The following CSMD3 variants were observed in gnomAD, a reference collection of about 807,000 sequenced individuals.
The protein encoded by CSMD3 is CUB and Sushi multiple domains 3.
In CSMD3, 177 loss-of-function variants were observed where a neutral mutation model predicts 435.2. The observed-to-expected ratio is 0.41, with a 90% CI of 0.36 to 0.46. The LOEUF is 0.46. Ranked by LOEUF, CSMD3 falls within the 20% of genes least tolerant of loss-of-function variation. The probability of loss-of-function intolerance (pLI) is 0.34; values close to 1 mark genes in which losing one functional copy is unlikely to be tolerated. For missense variants in CSMD3, 4,265 were observed against 4,504.6 expected, an observed-to-expected ratio of 0.95 and a Z score of 1.52; for synonymous variants, 1,656 against 1,520.5, an observed-to-expected ratio of 1.09 and a Z score of -2.07.
intron 32 of CSMD3, among the ~76,000 whole-genome samples, chr8:112,450,199 T>C (rs1226822389): frequency 1.3e-5 from 2 of 152,194 alleles, no homozygotes; most frequent in Non-Finnish European, 2.9e-5. Context: ...TTTGGGAGAC[T>C]TGTCCAATGT....
At chr8:112,611,262 C>G (rs1204792563) in intron 22 of CSMD3, among the ~76,000 whole-genome samples, 2 of 152,110 alleles carry the variant, frequency 1.3e-5, no homozygotes, top group Non-Finnish European at 2.9e-5. Flanking sequence ...TAAACCATAT[C>G]CAGGTCAGTA....
rs192134537 is a variant in CSMD3 at position 112,948,652 on chromosome 8, T to A, written c.1421-775A>T. 3.9e-5 allele frequency among the ~76,000 whole-genome samples: 6 copies of A among 152,142 alleles called. No homozygotes were observed. The East Asian group carries it at 9.7e-4, about 25-fold the overall frequency. ...GAGTGATATTGTTTAATAAATTCAA[T>A]CTTAAAGTGAACTGGAGGATAAATT... On this transcript the variant is annotated intron_variant, in intron 8 of 70. Coordinates refer to ENST00000297405, the MANE Select transcript of CSMD3 (RefSeq NM_198123.2).
intron 4 of CSMD3, among the ~76,000 whole-genome samples, chr8:113,164,245 T>C (rs1366486186): frequency 6.6e-6 from 1 of 151,964 alleles, no homozygotes; most frequent in Non-Finnish European, 1.5e-5. Context: ...TTATGTTATT[T>C]AGCTACATAT....
intron 32 of CSMD3, among the ~76,000 whole-genome samples, chr8:112,459,710 G>A (rs1387640843): frequency 6.6e-6 from 1 of 152,078 alleles, no homozygotes; most frequent in Admixed American, 6.6e-5. Context: ...AGCAAAGTGA[G>A]AACACAATAA....
At chr8:112,686,386 A>T (rs1343696354) in intron 14 of CSMD3, among the ~76,000 whole-genome samples, 2 of 152,210 alleles carry the variant, frequency 1.3e-5, no homozygotes, top group Non-Finnish European at 2.9e-5. Flanking sequence ...AACATTTAGA[A>T]AGCAGAGGAA....
chr8:112,690,678 C>T (rs1024271468), intron 13 of CSMD3, among the ~76,000 whole-genome samples: 1 of 148,794 alleles, frequency 6.7e-6, no homozygotes, highest in Non-Finnish European at 1.5e-5. Context: ...ATAAATGTTT[C>T]TTGGATGAGT....
chr8:112,600,961 G>T (rs1015145944), intron 22 of CSMD3, among the ~76,000 whole-genome samples: 2 of 151,952 alleles, frequency 1.3e-5, no homozygotes, highest in Admixed American at 6.6e-5. Flanking sequence ...GAGCCACCGC[G>T]CCCGGTCCCC....
chr8:112,812,944 CCTTAGCCCA>C (rs2079268271), intron 12 of CSMD3, among the ~76,000 whole-genome samples: 1 of 152,064 alleles, frequency 6.6e-6, no homozygotes, highest in Non-Finnish European at 1.5e-5. Context: ...AGATGAAAGG[CCTTAGCCCA>C]CTTCAAAAGT....
intron 28 of CSMD3, 60 bp downstream of exon 28, chr8:112,516,974 A>G (rs761328485): frequency 1.3e-4 from 169 of 1,281,672 alleles, no homozygotes; most frequent in Non-Finnish European, 1.8e-4. Flanking sequence ...TAAGAACAAT[A>G]CCAGTTTTTA....
chr8:112,532,921 T>C (rs1032871952), intron 27 of CSMD3, among the ~76,000 whole-genome samples: 2 of 152,082 alleles, frequency 1.3e-5, no homozygotes, highest in African/African-American at 2.4e-5. Context: ...TGGAAAGATA[T>C]AAGTTGATAC....
intron 58 of CSMD3, among the ~76,000 whole-genome samples, chr8:112,282,692 C>T (rs1354424277): frequency 6.6e-6 from 1 of 152,010 alleles, no homozygotes; most frequent in Non-Finnish European, 1.5e-5. Context: ...CCTATCCAGA[C>T]ATTTTATTTG....
chr8:112,879,690 A>T (rs896640997), intron 10 of CSMD3, among the ~76,000 whole-genome samples: 9 of 151,932 alleles, frequency 5.9e-5, no homozygotes. Context: ...CTTTCTCTTT[A>T]TTTCTCAGAC....
chr8:113,287,777 A>G (rs1409293531), intron 2 of CSMD3, among the ~76,000 whole-genome samples: 1 of 151,954 alleles, frequency 6.6e-6, no homozygotes, highest in Non-Finnish European at 1.5e-5. Context: ...CTTATTAAAA[A>G]CAAGCATTTG....
At chr8:112,860,080 C>G (rs994106875) in intron 10 of CSMD3, among the ~76,000 whole-genome samples, 1 of 151,936 alleles carries the variant, frequency 6.6e-6, no homozygotes, top group East Asian at 1.9e-4. Flanking sequence ...ATCATCACCA[C>G]TTTGAAAATC....
At chr8:113,387,430 A>G (rs886940477) in intron 1 of CSMD3, among the ~76,000 whole-genome samples, 13 of 151,830 alleles carry the variant, frequency 8.6e-5, no homozygotes, top group East Asian at 5.8e-4. Context: ...ACTGTCTTTC[A>G]AGTACCACAT....
At chr8:113,305,553 G>T (rs931277146) in intron 2 of CSMD3, among the ~76,000 whole-genome samples, 1 of 152,010 alleles carries the variant, frequency 6.6e-6, no homozygotes, top group African/African-American at 2.4e-5. Flanking sequence ...TCTTTTGTTT[G>T]ATCTTTTAAC....
chr8:112,902,569 G>A (rs1348900985), intron 10 of CSMD3, among the ~76,000 whole-genome samples: 1 of 151,218 alleles, frequency 6.6e-6, no homozygotes, highest in African/African-American at 2.4e-5. Flanking sequence ...ATGGTCTGCT[G>A]TGGCTGTTCA....
Position 112,406,641 on chromosome 8 carries a change from A to G in CSMD3, c.5692T>C (p.Ser1898Pro), listed in dbSNP as rs2130026422. ...RRIGNEFAVGSSVLFDCNPGY... is the reference protein window; with the variant it reads ...RRIGNEFAVGPSVLFDCNPGY... Reference sequence around the variant, plus strand: ...GGATTACAATCAAAAAGAACCGATGAACCGACTGCAAATTCATTGCCAATT... The same window carrying G: ...GGATTACAATCAAAAAGAACCGATGGACCGACTGCAAATTCATTGCCAATT... Residue 1898 changes from serine (S) to proline (P), a missense_variant, in exon 35 of 71, where the codon TCA becomes CCA. Physicochemically the swap from Ser to Pro is moderately conservative, Grantham distance 74. Coordinates refer to ENST00000297405, the MANE Select transcript of CSMD3 (RefSeq NM_198123.2). 1 of 1,612,750 alleles carries G rather than the reference A, an allele frequency of 6.2e-7. No individual in the cohort carries two copies. Among genetic ancestry groups the G allele is most frequent in the African/African-American group, 1.3e-5 (1 of 75,012 alleles).
At chr8:113,022,844 G>C (rs1225422069) in intron 5 of CSMD3, among the ~76,000 whole-genome samples, 2 of 151,818 alleles carry the variant, frequency 1.3e-5, no homozygotes, top group Non-Finnish European at 2.9e-5. Context: ...AAGAAATACT[G>C]ACAATAATAC....
Sources: allele counts gnomAD v4.1 joint callset (sites outside exome capture counted in the v4.1 genomes callset), GRCh38; gene constraint gnomAD v4.1.1; transcripts MANE v1.5; gene names NCBI Gene and HGNC (gene_info 2026-07-23, HGNC 2026-07-21).